CACNG2: variants seen among roughly 807,000 people sequenced by gnomAD.
The protein encoded by CACNG2 is calcium voltage-gated channel auxiliary subunit gamma 2.
In CACNG2, 3 loss-of-function variants were observed where a neutral mutation model predicts 25.9. That is an observed-to-expected ratio of 0.12 (90% CI 0.05 to 0.30). The LOEUF (loss-of-function observed/expected upper bound fraction) is 0.30, where lower values mean the gene tolerates loss of function less well. Ranked by LOEUF, CACNG2 falls within the 10% of genes least tolerant of loss-of-function variation. The pLI, the probability that CACNG2 is intolerant of heterozygous loss-of-function variation, is 1.00. For missense variants in CACNG2, 341 were observed against 432.5 expected (o/e 0.79, Z 1.88); for synonymous variants, 167 against 173.3 (o/e 0.96, Z 0.29).
chr22:36,615,375 G>T (rs953772341), intron 1 of CACNG2, among the ~76,000 whole-genome samples: 1 of 152,118 alleles, frequency 6.6e-6, no homozygotes, highest in African/African-American at 2.4e-5. Context: ...TGACTGCTAC[G>T]CTCAACTGCC....
chr22:36,580,779 C>G (rs1197073428), intron 2 of CACNG2, among the ~76,000 whole-genome samples: 1 of 152,144 alleles, frequency 6.6e-6, no homozygotes, highest in Non-Finnish European at 1.5e-5. Context: ...TCTGATTCTT[C>G]TTCCCTTACT....
intron 1 of CACNG2, among the ~76,000 whole-genome samples, chr22:36,672,057 C>G (rs1166191777): frequency 6.6e-6 from 1 of 152,154 alleles, no homozygotes; most frequent in Non-Finnish European, 1.5e-5. Context: ...TCTCCTCAGA[C>G]CCACGGCAAG....
intron 1 of CACNG2, among the ~76,000 whole-genome samples, chr22:36,665,047 A>C (rs184113899): frequency 1.1e-4 from 17 of 152,302 alleles, no homozygotes; most frequent in African/African-American, 3.8e-4. Context: ...AGAGGCTGAC[A>C]GGGAGAGGCT....
Position 36,636,107 on chromosome 22 carries a change from A to G in CACNG2, c.212-48559T>C, listed in dbSNP as rs1431241962. Among the ~76,000 whole-genome samples the G allele has an allele frequency of 2.0e-5, 3 of 152,056 alleles. No individual in the cohort carries two copies. The East Asian group carries it at 5.8e-4, about 29-fold the overall frequency. ...TTCTCACCCTCAAAACTCTTCAATG[A>G]CTTCCCACAGCTTTTAGAATAAAAA... On this transcript the variant is annotated intron_variant, in intron 1 of 3. Coordinates refer to ENST00000300105, the MANE Select transcript of CACNG2 (RefSeq NM_006078.5).
rs370756989 is a variant in CACNG2 at position 36,651,884 on chromosome 22, G to A, written c.211+50482C>T. ...TCTATTTTGTTTCTTTTGTTTTTGA[G>A]ACAGAGTCTCGCTCTGTTGCCCAGG... is the stretch of plus-strand genomic sequence containing the variant. On this transcript the variant is annotated intron_variant, in intron 1 of 3. Coordinates refer to ENST00000300105, the MANE Select transcript of CACNG2 (RefSeq NM_006078.5). Among the ~76,000 whole-genome samples the A allele has an allele frequency of 3.3e-5, 5 of 152,156 alleles. No homozygotes were observed. The East Asian group carries it at 9.7e-4, about 29-fold the overall frequency.
intron 1 of CACNG2, among the ~76,000 whole-genome samples, chr22:36,696,061 T>G (rs936714606): frequency 3.3e-5 from 5 of 152,360 alleles, no homozygotes; most frequent in African/African-American, 9.6e-5. Context: ...AAATATTTCT[T>G]GCATTATCAG....
At chr22:36,589,255 G>T (rs1935551363) in intron 1 of CACNG2, among the ~76,000 whole-genome samples, 1 of 152,086 alleles carries the variant, frequency 6.6e-6, no homozygotes. Context: ...CTCCCAAAGT[G>T]CTGGGATTAC....
chr22:36,593,950 G>C (rs1434571305), intron 1 of CACNG2, among the ~76,000 whole-genome samples: 1 of 152,106 alleles, frequency 6.6e-6, no homozygotes, highest in Admixed American at 6.5e-5. Context: ...GGACATCTAC[G>C]TCAACAGACA....
chr22:36,656,930 T>C (rs1209185654), intron 1 of CACNG2, among the ~76,000 whole-genome samples: 4 of 152,244 alleles, frequency 2.6e-5, no homozygotes, highest in Admixed American at 1.3e-4. Context: ...TTGCTTTATT[T>C]ATCGATTGGT....
intron 1 of CACNG2, among the ~76,000 whole-genome samples, chr22:36,592,911 A>G (rs1935618486): frequency 6.6e-6 from 1 of 152,172 alleles, no homozygotes; most frequent in South Asian, 2.1e-4. Flanking sequence ...AGAGGGGTAG[A>G]GGCTCTCATC....
Position 36,564,313 on chromosome 22 carries a change from GC to G in CACNG2, c.*37del. 1 of 1,579,036 alleles carries G rather than the reference GC, an allele frequency of 6.3e-7. No individual in the cohort carries two copies. Among genetic ancestry groups the G allele is most frequent in the Non-Finnish European group, 8.6e-7 (1 of 1,160,588 alleles). On this transcript the variant is annotated 3_prime_UTR_variant, in exon 4 of 4. Transcript: ENST00000300105. The surrounding 1 kb of genome is among the most constrained non-coding windows in gnomAD (Gnocchi z 6.7). ...GCCCCGCCCCGCCCCCGGGGACCGC[GC>G]CCTCCTCCCGCGGTCTTCTGGCGAG...
chr22:36,655,033 A>G (rs944680662), intron 1 of CACNG2, among the ~76,000 whole-genome samples: 1 of 151,930 alleles, frequency 6.6e-6, no homozygotes, highest in African/African-American at 2.4e-5. Context: ...GGAGGGGGGA[A>G]AACAGAATGC....
chr22:36,659,270 C>T (rs1267471144), intron 1 of CACNG2, among the ~76,000 whole-genome samples: 1 of 152,082 alleles, frequency 6.6e-6, no homozygotes, highest in East Asian at 1.9e-4. Context: ...AGCTCCGACC[C>T]TACCAAGTCA....
At position 36,564,309 on chromosome 22, in the gene CACNG2, C is replaced by A. The variant is rs1305642910; in HGVS notation, c.*42G>T. 6 of 1,581,878 alleles carry A rather than the reference C, an allele frequency of 3.8e-6. No homozygotes were observed. The highest frequency in any genetic ancestry group is 1.1e-5 in the South Asian group (1 of 88,370). ...CCCCGCCCCGCCCCGCCCCCGGGGA[C>A]CGCGCCCTCCTCCCGCGGTCTTCTG... is the stretch of plus-strand genomic sequence containing the variant. On this transcript the variant is annotated 3_prime_UTR_variant, in exon 4 of 4. Transcript: ENST00000300105. This position sits in a 1 kb window ranked among gnomAD's most constrained non-coding sequence, Gnocchi z 6.7.
intron 2 of CACNG2, among the ~76,000 whole-genome samples, chr22:36,574,073 G>A (rs953937180): frequency 5.9e-5 from 9 of 152,106 alleles, no homozygotes; most frequent in African/African-American, 1.9e-4. Flanking sequence ...AGGCAGGCGG[G>A]TCTGGGCCAC....
At chr22:36,603,579 T>C (rs1033226998) in intron 1 of CACNG2, among the ~76,000 whole-genome samples, 2 of 152,196 alleles carry the variant, frequency 1.3e-5, no homozygotes, top group South Asian at 4.1e-4. Context: ...ACTCTCTTGA[T>C]AGGGGCTAAT....
chr22:36,650,842 A>G (rs1235330407), intron 1 of CACNG2, among the ~76,000 whole-genome samples: 1 of 152,176 alleles, frequency 6.6e-6, no homozygotes, highest in Non-Finnish European at 1.5e-5. Context: ...GTAAAACACC[A>G]CAGGCACACT....
chr22:36,676,209 C>T (rs901493873), intron 1 of CACNG2, among the ~76,000 whole-genome samples: 1 of 152,222 alleles, frequency 6.6e-6, no homozygotes, highest in African/African-American at 2.4e-5. Context: ...TTTGATCTTG[C>T]TCTCTCTGTA....
chr22:36,591,203 AT>A (rs930640312), intron 1 of CACNG2, among the ~76,000 whole-genome samples: 51 of 147,720 alleles, frequency 3.5e-4, no homozygotes, highest in South Asian at 1.1e-3. Flanking sequence ...CGCCCGGCTA[AT>A]TTTTTTTTTT....
Sources: gnomAD v4.1 joint callset for allele counts (sites outside exome capture counted in the v4.1 genomes callset) on GRCh38, gnomAD v4.1.1 for gene constraint, Gnocchi (gnomAD v3.1) non-coding constraint, MANE v1.5 for transcripts, NCBI Gene and HGNC (gene_info 2026-07-23, HGNC 2026-07-21) for gene names.